PLD1: variants seen among roughly 807,000 people sequenced by gnomAD.
PLD1 encodes the protein choline phosphatase 1.
Under a neutral mutation model 137.1 loss-of-function variants are expected in PLD1, and 112 were observed. The observed-to-expected ratio is 0.82, with a 90% CI of 0.70 to 0.96. PLD1 has a LOEUF of 0.96. Among genes scored for constraint, PLD1 ranks in the 40% least tolerant of loss-of-function variants. PLD1 has a pLI of 0.00. For synonymous variants in PLD1, 431 were observed against 454.7 expected (o/e 0.95, Z 0.66); for missense variants, 1,321 against 1,342.0 (o/e 0.98, Z 0.24).
chr3:171,682,156 GA>G (rs1553819394), intron 16 of PLD1, among the ~76,000 whole-genome samples: 3 of 63,812 alleles, frequency 4.7e-5, no homozygotes, highest in Non-Finnish European at 9.5e-5. Flanking sequence ...AAGAAAGAAA[GA>G]AAGAAAGAAA....
intron 1 of PLD1, among the ~76,000 whole-genome samples, chr3:171,800,975 A>T (rs981603602): frequency 6.6e-6 from 1 of 152,194 alleles, no homozygotes; most frequent in Non-Finnish European, 1.5e-5. Flanking sequence ...TCAACATATG[A>T]ATTTGAGGAA....
At chr3:171,747,072 A>G (rs1720272181) in intron 1 of PLD1, among the ~76,000 whole-genome samples, 2 of 152,168 alleles carry the variant, frequency 1.3e-5, no homozygotes, top group Admixed American at 1.3e-4. Flanking sequence ...GAGCTGTGGC[A>G]CTCAAGGAGC....
chr3:171,612,488 G>T lies in PLD1; in HGVS notation c.2729-56C>A. The T allele has an allele frequency of 6.6e-7, 1 of 1,512,564 alleles. No individual in the cohort carries two copies. Among genetic ancestry groups the T allele is most frequent in the Non-Finnish European group, 9.2e-7 (1 of 1,090,574 alleles). 93.7% of individuals were successfully genotyped at this position (1,512,564 alleles called of 1,614,324 possible). ...CTTCCTGTTGTGGCAGACACTGTTG[G>T]TTGCCCTCCCAACTCAATTCATCCT... is the stretch of plus-strand genomic sequence containing the variant. On this transcript the variant is annotated intron_variant, in intron 24 of 26. Transcript: ENST00000351298. This position sits in a 1 kb window ranked among gnomAD's most constrained non-coding sequence, Gnocchi z 4.1.
At chr3:171,626,969 G>C (rs1047906102) in intron 23 of PLD1, among the ~76,000 whole-genome samples, 8 of 152,080 alleles carry the variant, frequency 5.3e-5, no homozygotes, top group Non-Finnish European at 1.0e-4. Context: ...AAAATAACCA[G>C]CTAACATCAT....
At chr3:171,747,876 T>C (rs1220457468) in intron 1 of PLD1, among the ~76,000 whole-genome samples, 1 of 152,210 alleles carries the variant, frequency 6.6e-6, no homozygotes, top group Non-Finnish European at 1.5e-5. Context: ...ATTTCTGCCT[T>C]GATTAACTTG....
At chr3:171,692,524 C>T in intron 12 of PLD1, 82 bp from the exon 13 acceptor site, 3 of 740,694 alleles carry the variant, frequency 4.1e-6, no homozygotes, top group Admixed American at 2.2e-5. Context: ...TTGCACTGTA[C>T]TTTCTTTCTT....
At chr3:171,671,613 T>C (rs1013823560) in intron 19 of PLD1, among the ~76,000 whole-genome samples, 1 of 152,130 alleles carries the variant, frequency 6.6e-6, no homozygotes, top group African/African-American at 2.4e-5. Context: ...GGTCTCAAGG[T>C]ATTTGTTTGG....
At chr3:171,775,938 G>C (rs1578459586) in intron 1 of PLD1, among the ~76,000 whole-genome samples, 1 of 152,112 alleles carries the variant, frequency 6.6e-6, no homozygotes, top group East Asian at 1.9e-4. Flanking sequence ...TGCGAAAAGG[G>C]GGACCCTAGT....
At chr3:171,783,448 C>T (rs764536912) in intron 1 of PLD1, among the ~76,000 whole-genome samples, 13 of 152,014 alleles carry the variant, frequency 8.6e-5, no homozygotes, top group Admixed American at 2.0e-4. Flanking sequence ...AGTTAGACTA[C>T]ACAGGGCATT....
intron 1 of PLD1, among the ~76,000 whole-genome samples, chr3:171,747,455 C>T (rs1320233725): frequency 6.6e-6 from 1 of 150,792 alleles, no homozygotes; most frequent in Non-Finnish European, 1.5e-5. Flanking sequence ...TTCCCTGCCT[C>T]TCTTCTCTTC....
At chr3:171,635,955 G>C (rs78073437) in intron 23 of PLD1, among the ~76,000 whole-genome samples, 4 of 98,582 alleles carry the variant, frequency 4.1e-5, no homozygotes, top group Non-Finnish European at 9.5e-5. Context: ...ATGAGGTAGG[G>C]GTTCAACTTC....
At chr3:171,757,394 T>C (rs563880428) in intron 1 of PLD1, among the ~76,000 whole-genome samples, 2 of 152,312 alleles carry the variant, frequency 1.3e-5, no homozygotes, top group African/African-American at 4.8e-5. Context: ...GATCATTTCC[T>C]TTTTAAGACA....
In PLD1 at chr3:171,636,006, A is replaced by T. The variant is rs532849749; in HGVS notation, c.2593+6834T>A. On this transcript the variant is annotated intron_variant, in intron 23 of 26. Transcript: ENST00000351298. ...TTTTTTTTTTTTTTTTTGCAAGTGG[A>T]TATCTAGTTTTTCTAGCACCATTTG... 9.7e-4 allele frequency among the ~76,000 whole-genome samples: 39 copies of T among 40,334 alleles called. No homozygotes were observed. The East Asian group carries it at 0.012, about 13-fold the overall frequency. The allele number at this position is 40,334 out of a possible 152,430, so 26.5% of individuals were successfully genotyped here.
At chr3:171,774,806 G>A (rs1213597626) in intron 1 of PLD1, among the ~76,000 whole-genome samples, 1 of 152,338 alleles carries the variant, frequency 6.6e-6, no homozygotes, top group Non-Finnish European at 1.5e-5. Flanking sequence ...GAAGGGCAGG[G>A]TGGTGGGAGG....
At chr3:171,701,632 T>C (rs1050205475) in intron 11 of PLD1, among the ~76,000 whole-genome samples, 1 of 152,160 alleles carries the variant, frequency 6.6e-6, no homozygotes, top group East Asian at 1.9e-4. Context: ...TTGAGGATAA[T>C]GCATAAAAAG....
rs1721721012 is a variant in PLD1, at chr3:171,764,855, GAAA to G, written c.-31-26776_-31-26774del. 3.8e-4 allele frequency among the ~76,000 whole-genome samples: 7 copies of G among 18,554 alleles called. 1 individual carries two copies. The highest frequency in any genetic ancestry group is 1.6e-3 in the African/African-American group (7 of 4,374). The allele number at this position is 18,554 out of a possible 152,430, so 12.2% of individuals were successfully genotyped here. A position where few individuals can be genotyped will look rare whatever the true frequency, so the allele number is the denominator to read the frequency against. On this transcript the variant is annotated intron_variant, in intron 1 of 26. Transcript: ENST00000351298. ...AGAAAGAAAGAAAGAAAGAAAGAAAGAAAGAAAGAAAGAAAGAAAGAAAGAAAG... is the reference window on the plus strand; with the variant it reads ...AGAAAGAAAGAAAGAAAGAAAGAAAGGAAAGAAAGAAAGAAAGAAAGAAAG...
chr3:171,793,634 A>C (rs1356472564), intron 1 of PLD1: 1 of 152,228 alleles, frequency 6.6e-6, no homozygotes, highest in Non-Finnish European at 1.5e-5. Context: ...TATGATACTG[A>C]TAAAACCACT....
rs375728328 is a variant in PLD1, at chr3:171,745,793, T to C, written c.-31-7711A>G. ...GCCATGGCGTCCACGCTGGCTGCGC[T>C]TGAGGAGCCCTTCAGCCCACCGCTG... is the stretch of plus-strand genomic sequence containing the variant. On this transcript the variant is annotated intron_variant, in intron 1 of 26. Transcript: ENST00000351298. Among the ~76,000 whole-genome samples the C allele has an allele frequency of 9.2e-5, 14 of 152,312 alleles. 1 individual carries two copies. Among genetic ancestry groups the C allele is most frequent in the African/African-American group, 3.4e-4 (14 of 41,574 alleles).
intron 1 of PLD1, among the ~76,000 whole-genome samples, chr3:171,754,590 T>G (rs1305191009): frequency 6.6e-6 from 1 of 152,186 alleles, no homozygotes; most frequent in African/African-American, 2.4e-5. Flanking sequence ...TGGAAACCAG[T>G]CTTCTCACCT....
Sources: gnomAD v4.1 joint callset for allele counts (sites outside exome capture counted in the v4.1 genomes callset) on GRCh38, gnomAD v4.1.1 for gene constraint, Gnocchi (gnomAD v3.1) non-coding constraint, MANE v1.5 for transcripts, NCBI Gene and HGNC (gene_info 2026-07-23, HGNC 2026-07-21) for gene names.